POM121C: variants seen among roughly 807,000 people sequenced by gnomAD.
POM121C encodes the protein nuclear envelope pore membrane protein POM 121C.
POM121C carries 20 observed loss-of-function variants against 66.4 expected under a neutral mutation model. That is an observed-to-expected ratio of 0.30 (90% confidence interval 0.21 to 0.44). The LOEUF (loss-of-function observed/expected upper bound fraction) is 0.44. Among genes scored for constraint, POM121C ranks in the 20% least tolerant of loss-of-function variants. The pLI, the probability that POM121C is intolerant of heterozygous loss-of-function variation, is 1.00. For synonymous variants in POM121C, 286 were observed against 528.0 expected (o/e 0.54, Z 6.28); for missense variants, 580 against 1,225.7 (o/e 0.47, Z 7.87).
intron 5 of POM121C, 178 bp downstream of exon 5, chr7:75,440,776 C>T (rs1421345597): frequency 3.8e-6 from 4 of 1,045,030 alleles, no homozygotes; most frequent in East Asian, 4.8e-5. Context: ...CTAACCTGTG[C>T]CTTGAAATGA....
intron 14 of POM121C, 140 bp downstream of exon 14, chr7:75,419,180 C>T (rs1177692549): frequency 1.0e-4 from 141 of 1,359,668 alleles, no homozygotes; most frequent in Admixed American, 1.4e-4. Flanking sequence ...CATCCCTGGG[C>T]TGTGCTGTAC....
chr7:75,442,522 C>G, intron 3 of POM121C: 1 of 1,443,474 alleles, frequency 6.9e-7, no homozygotes. Flanking sequence ...TCAGTCCCCA[C>G]CAGGCCGCGG....
intron 3 of POM121C, among the ~76,000 whole-genome samples, chr7:75,473,600 C>T (rs1175085704): frequency 1.3e-5 from 2 of 151,872 alleles, no homozygotes; most frequent in Non-Finnish European, 2.9e-5. Flanking sequence ...AGGTGGAGGA[C>T]GAGGTTTTGG....
At chr7:75,439,017 T>C (rs782120816) in intron 6 of POM121C, 127 bp downstream of exon 6, 14 of 1,049,124 alleles carry the variant, frequency 1.3e-5, no homozygotes, top group African/African-American at 4.8e-5. Flanking sequence ...ATATTCCTAA[T>C]TTCAAAGACA....
At chr7:75,427,635 C>A (rs1248585952) in intron 7 of POM121C, among the ~76,000 whole-genome samples, 45 of 151,640 alleles carry the variant, frequency 3.0e-4, no homozygotes, top group Non-Finnish European at 5.7e-4. Context: ...TGGCACAGAG[C>A]GGACACTGCA....
intron 1 of POM121C, among the ~76,000 whole-genome samples, chr7:75,478,374 C>T (rs1390385518): frequency 1.7e-4 from 26 of 151,840 alleles, no homozygotes; most frequent in African/African-American, 6.3e-4. Context: ...CGTTTCCAGG[C>T]CATGGAGCAG....
rs587737475 is a variant in POM121C, at chr7:75,419,537, C to T, written c.2744-95G>A. On this transcript the variant is annotated intron_variant, in intron 13 of 14. Coordinates refer to ENST00000615331, the MANE Select transcript of POM121C (RefSeq NM_001099415.3). ...CCTGTGCTCTGCAGGGCACTTCCCA[C>T]GGGACCCTCAGCCCCACTTCTGCTT... The T allele has an allele frequency of 6.1e-5, 88 of 1,442,068 alleles. No individual in the cohort carries two copies. The East Asian group carries it at 8.3e-4, about 14-fold the overall frequency. The allele number at this position is 1,442,068 out of a possible 1,614,324, so 89.3% of individuals were successfully genotyped here.
At chr7:75,441,373 C>G (rs1475868358) in intron 4 of POM121C, 59 bp downstream of exon 4, 1 of 1,505,088 alleles carries the variant, frequency 6.6e-7, no homozygotes, top group Non-Finnish European at 9.2e-7. Context: ...ACAGGAACAA[C>G]TGGAGAAGAA....
chr7:75,432,432 C>A (rs587676018), intron 7 of POM121C, among the ~76,000 whole-genome samples: 1 of 152,214 alleles, frequency 6.6e-6, no homozygotes, highest in South Asian at 2.1e-4. Flanking sequence ...ACACATCTCA[C>A]AAGTAAAATG....
At chr7:75,472,512 C>T (rs587715369) in intron 3 of POM121C, among the ~76,000 whole-genome samples, 1 of 150,588 alleles carries the variant, frequency 6.6e-6, no homozygotes, top group African/African-American at 2.4e-5. Flanking sequence ...GACTCTGTCT[C>T]AATAAATAAG....
intron 3 of POM121C, among the ~76,000 whole-genome samples, chr7:75,461,065 T>C (rs1336276491): frequency 6.6e-6 from 1 of 152,050 alleles, no homozygotes; most frequent in Non-Finnish European, 1.5e-5. Flanking sequence ...AGAAACACTT[T>C]GCAAAAATAG....
chr7:75,481,985 C>T (rs1792325782), intron 1 of POM121C, among the ~76,000 whole-genome samples: 1 of 151,872 alleles, frequency 6.6e-6, no homozygotes, highest in Admixed American at 6.6e-5. Context: ...GTAACACGTG[C>T]CTCCAGAAGT....
intron 3 of POM121C, among the ~76,000 whole-genome samples, chr7:75,459,238 A>G (rs1554476702): frequency 1.3e-5 from 2 of 152,204 alleles, no homozygotes; most frequent in Non-Finnish European, 2.9e-5. Flanking sequence ...ATGAGACAAC[A>G]GCAAAAGCTC....
Position 75,441,558 on chromosome 7 carries a change from A to G in POM121C, c.-62T>C. ...ATAACCATTCCAGCACACTGTGGGA[A>G]GTACCCCCGGACAGGAATACTGGGT... On this transcript the variant is annotated 5_prime_UTR_variant, in exon 4 of 15. Transcript: ENST00000615331. 6.2e-7 allele frequency: 1 copy of G among 1,612,926 alleles called. No homozygotes were observed. Among genetic ancestry groups the G allele is most frequent in the Non-Finnish European group, 8.5e-7 (1 of 1,179,306 alleles).
rs186328613 is a variant in POM121C at position 75,485,924 on chromosome 7, C to A, written c.-518G>T. On this transcript the variant is annotated 5_prime_UTR_variant, in exon 1 of 15. Coordinates refer to ENST00000615331, the MANE Select transcript of POM121C (RefSeq NM_001099415.3). ...CCGAGAGGCCGGGGCGGGCTGCTGTCGCTGGCGCGCGCGTCTGCTCGCGAG... is the reference window on the plus strand; with the variant it reads ...CCGAGAGGCCGGGGCGGGCTGCTGTAGCTGGCGCGCGCGTCTGCTCGCGAG... 40,669 of 496,702 alleles carry A rather than the reference C, an allele frequency of 0.082. 1,969 individuals carry two copies. The highest frequency in any genetic ancestry group is 0.1 in the Non-Finnish European group (25,466 of 251,232). The allele number at this position is 496,702 out of a possible 1,614,324, so 30.8% of individuals were successfully genotyped here.
chr7:75,425,506 CTCTT>C, intron 9 of POM121C, 125 bp downstream of exon 9: 1 of 1,028,282 alleles, frequency 9.7e-7, no homozygotes, highest in Non-Finnish European at 1.4e-6. Flanking sequence ...GGAAATCTCT[CTCTT>C]TGTATCTAAC....
At chr7:75,430,738 A>G (rs1426668103) in intron 7 of POM121C, among the ~76,000 whole-genome samples, 4 of 152,164 alleles carry the variant, frequency 2.6e-5, no homozygotes, top group Non-Finnish European at 5.9e-5. Flanking sequence ...TCTAGAATAT[A>G]TAAAAAGCAT....
chr7:75,450,954 CT>C (rs1468410259), intron 3 of POM121C, among the ~76,000 whole-genome samples: 1 of 152,040 alleles, frequency 6.6e-6, no homozygotes, highest in Non-Finnish European at 1.5e-5. Context: ...CAGACAAAGA[CT>C]TTTTAAAAAC....
chr7:75,456,329 G>T (rs1791210963), intron 3 of POM121C, among the ~76,000 whole-genome samples: 1 of 152,278 alleles, frequency 6.6e-6, no homozygotes, highest in Non-Finnish European at 1.5e-5. Context: ...TTTACTTGAG[G>T]CTGAGGCTAT....
Sources: gnomAD v4.1 joint callset for allele counts (sites outside exome capture counted in the v4.1 genomes callset) on GRCh38, gnomAD v4.1.1 for gene constraint, MANE v1.5 for transcripts, NCBI Gene and HGNC (gene_info 2026-07-23, HGNC 2026-07-21) for gene names.